Variants in CD99L2 observed in about 807,000 individuals in gnomAD.
CD99L2 encodes the protein CD99 molecule like 2, also known as CD99 antigen-like protein 2.
A neutral mutation model predicts 27.3 loss-of-function variants in CD99L2; 24 were observed. The ratio of observed to expected loss-of-function variants is 0.88; its 90% CI spans 0.64 to 1.24. The LOEUF (loss-of-function observed/expected upper bound fraction) is 1.24, where lower values mean the gene tolerates loss of function less well. Among genes scored for constraint, CD99L2 ranks in the 50% most tolerant of loss-of-function variants. The pLI is 0.00. For synonymous variants in CD99L2, 97 were observed against 87.9 expected (o/e 1.10, Z -0.58); for missense variants, 255 against 221.6 (o/e 1.15, Z -0.96).
chrX:150,838,918 TG>T (rs1211157850), intron 1 of CD99L2, among the ~76,000 whole-genome samples: 2,588 of 31,817 alleles, frequency 0.081, 73 homozygotes, highest in African/African-American at 0.15. Flanking sequence ...AAAAAAAAAA[TG>T]GGGGGGGGGG....
chrX:150,776,383 A>G, intron 8 of CD99L2, 90 bp from the exon 9 acceptor site: 1 of 1,036,011 alleles, frequency 9.7e-7, no homozygotes. Context: ...CTCCTCTAGC[A>G]CCAAACTACT....
chrX:150,860,027 A>G (rs1319874083), intron 1 of CD99L2, among the ~76,000 whole-genome samples: 1 of 111,590 alleles, frequency 9.0e-6, no homozygotes, highest in Non-Finnish European at 1.9e-5. Flanking sequence ...ACACAATACA[A>G]AAAGAAAACT....
In CD99L2 at chrX:150,898,571, C is replaced by T. The variant is rs782066225; in HGVS notation, c.18G>A (p.Ser6=). ...AGAAAGCGAGGCAGACAAGGAACGCCGAGCGCCAGGCCACCATGGCTGGGA... is the reference window on the plus strand; with the variant it reads ...AGAAAGCGAGGCAGACAAGGAACGCTGAGCGCCAGGCCACCATGGCTGGGA... MVAWR[S]AFLVCLAFSL... The change falls in exon 1 of 11, where the codon TCG becomes TCA. Residue 6 remains serine (S), a synonymous_variant. Coordinates refer to ENST00000370377, the MANE Select transcript of CD99L2 (RefSeq NM_031462.4). The T allele has an allele frequency of 5.4e-6, 6 of 1,114,425 alleles. No individual in the cohort carries two copies. The highest frequency in any genetic ancestry group is 7.1e-6 in the Non-Finnish European group (6 of 849,875). 91.8% of individuals were successfully genotyped at this position (1,114,425 alleles called of 1,213,427 possible).
At chrX:150,769,901 G>C (rs1484163166) in intron 10 of CD99L2, among the ~76,000 whole-genome samples, 1 of 113,137 alleles carries the variant, frequency 8.8e-6, no homozygotes, top group Admixed American at 9.3e-5. Flanking sequence ...ATAGGGTCTG[G>C]GTTTTACCCA....
chrX:150,886,802 T>C (rs1451090436), intron 1 of CD99L2, among the ~76,000 whole-genome samples: 7 of 111,615 alleles, frequency 6.3e-5, no homozygotes, highest in African/African-American at 9.8e-5. Flanking sequence ...GCCTTATCCC[T>C]TGCAGAACAA....
chrX:150,823,519 C>A (rs1225468562), intron 2 of CD99L2, among the ~76,000 whole-genome samples: 1 of 111,567 alleles, frequency 9.0e-6, no homozygotes, highest in Non-Finnish European at 1.9e-5. Context: ...CTCCTGACCC[C>A]AAGTGATCCA....
intron 1 of CD99L2, among the ~76,000 whole-genome samples, chrX:150,888,369 G>A (rs782523357): frequency 8.9e-6 from 1 of 111,787 alleles, no homozygotes; most frequent in South Asian, 3.8e-4. Flanking sequence ...ATGGAGTACT[G>A]ATCCACGCTA....
chrX:150,844,069 A>G (rs1233156701), intron 1 of CD99L2, among the ~76,000 whole-genome samples: 4 of 112,463 alleles, frequency 3.6e-5, no homozygotes, highest in Non-Finnish European at 7.5e-5. Context: ...CTTGGGTTCA[A>G]GGAATAACAC....
intron 1 of CD99L2, among the ~76,000 whole-genome samples, chrX:150,843,000 T>C (rs2046645007): frequency 8.9e-6 from 1 of 112,299 alleles, no homozygotes; most frequent in East Asian, 2.8e-4. Context: ...CTGTCACCAG[T>C]AGATAGTACC....
At chrX:150,854,822 G>GC (rs1441173145) in intron 1 of CD99L2, among the ~76,000 whole-genome samples, 1 of 110,960 alleles carries the variant, frequency 9.0e-6, no homozygotes, top group Admixed American at 9.6e-5. Flanking sequence ...TGCTGCAGAG[G>GC]CCCCCGATTA....
chrX:150,779,771 G>C (rs1420742876), intron 7 of CD99L2, among the ~76,000 whole-genome samples: 1 of 112,216 alleles, frequency 8.9e-6, no homozygotes, highest in Non-Finnish European at 1.9e-5. Flanking sequence ...AAAAATTTAG[G>C]GGTAAGGAAT....
At chrX:150,769,681 GCC>G (rs2043390852) in intron 10 of CD99L2, among the ~76,000 whole-genome samples, 1 of 86,625 alleles carries the variant, frequency 1.2e-5, no homozygotes, top group African/African-American at 7.6e-5. Flanking sequence ...CCCTGCCTGC[GCC>G]ACCAGGCCTC....
Position 150,768,897 on chromosome X carries a change from C to T in CD99L2, c.*137G>A, listed in dbSNP as rs1848313152. On this transcript the variant is annotated 3_prime_UTR_variant, in exon 11 of 11. Coordinates refer to ENST00000370377, the MANE Select transcript of CD99L2 (RefSeq NM_031462.4). Reference sequence around the variant, plus strand: ...AAACCAAACTCACAAACACCCAGAGCTCATCCGGGAAACTCAGACCAACAA... The same window carrying T: ...AAACCAAACTCACAAACACCCAGAGTTCATCCGGGAAACTCAGACCAACAA... The T allele has an allele frequency of 1.9e-6, 2 of 1,058,186 alleles. No homozygotes were observed. The highest frequency in any genetic ancestry group is 2.4e-6 in the Non-Finnish European group (2 of 829,062). 87.2% of individuals were successfully genotyped at this position (1,058,186 alleles called of 1,213,427 possible). A position where few individuals can be genotyped will look rare whatever the true frequency, so the allele number is the denominator to read the frequency against.
chrX:150,882,645 A>G (rs1202184433), intron 1 of CD99L2, among the ~76,000 whole-genome samples: 1 of 111,358 alleles, frequency 9.0e-6, no homozygotes, highest in Non-Finnish European at 1.9e-5. Flanking sequence ...ACTGCACTCC[A>G]GACTGGGCAA....
chrX:150,775,571 G>C (rs145503521), intron 9 of CD99L2, among the ~76,000 whole-genome samples: 2 of 112,581 alleles, frequency 1.8e-5, no homozygotes, highest in Admixed American at 9.3e-5. Context: ...GGTGGGTCGG[G>C]GGGGAACCAC....
At chrX:150,885,766 TTA>T (rs782391514) in intron 1 of CD99L2, among the ~76,000 whole-genome samples, 45 of 112,673 alleles carry the variant, frequency 4.0e-4, no homozygotes, top group African/African-American at 1.4e-3. Flanking sequence ...GATCATCTTT[TTA>T]TATGTTTATT....
chrX:150,877,826 AAAC>A (rs782511148), intron 1 of CD99L2, among the ~76,000 whole-genome samples: 22 of 111,033 alleles, frequency 2.0e-4, no homozygotes, highest in Non-Finnish European at 4.0e-4. Flanking sequence ...CAAAAAAAGA[AAAC>A]AACACTAAAA....
At chrX:150,793,582 A>G in intron 7 of CD99L2, 109 bp downstream of exon 7, 1 of 611,823 alleles carries the variant, frequency 1.6e-6, no homozygotes, top group Non-Finnish European at 2.5e-6. Flanking sequence ...GCAGGCTGGG[A>G]TGTCTGGGAA....
At chrX:150,771,818 T>G in intron 9 of CD99L2, 1 of 1,155,819 alleles carries the variant, frequency 8.7e-7, no homozygotes, top group Non-Finnish European at 1.1e-6. Context: ...GACCTGCTGC[T>G]GCATCTGAAG....
Sources: allele counts gnomAD v4.1 joint callset (sites outside exome capture counted in the v4.1 genomes callset), GRCh38; gene constraint gnomAD v4.1.1; transcripts MANE v1.5; gene names NCBI Gene and HGNC (gene_info 2026-07-23, HGNC 2026-07-21).